The following ARMC9 variants were observed in gnomAD, a reference collection of about 807,000 sequenced individuals.
ARMC9 encodes armadillo repeat containing 9.
Under a neutral mutation model 107.0 loss-of-function variants are expected in ARMC9, and 94 were observed. The ratio of observed to expected loss-of-function variants is 0.88; its 90% CI spans 0.74 to 1.04. ARMC9 has a LOEUF of 1.04. ARMC9 is among the 50% of genes least tolerant of loss of function. The pLI is 0.00. For synonymous variants in ARMC9, 380 were observed against 396.9 expected, an observed-to-expected ratio of 0.96 and a Z score of 0.51; for missense variants, 942 against 1,030.1, an observed-to-expected ratio of 0.91 and a Z score of 1.17.
chr2:231,328,814 C>CTTTTTTTTTTTTTTT lies in ARMC9; in HGVS notation c.1774-2975_1774-2974insTTTTTTTTTTTTTTT, dbSNP rs1341987081. 3.2e-3 allele frequency among the ~76,000 whole-genome samples: 406 copies of CTTTTTTTTTTTTTTT among 127,134 alleles called. 33 individuals are homozygous for CTTTTTTTTTTTTTTT. Among genetic ancestry groups the CTTTTTTTTTTTTTTT allele is most frequent in the African/African-American group, 4.5e-3 (157 of 34,776 alleles). The allele number at this position is 127,134 out of a possible 152,430, so 83.4% of individuals were successfully genotyped here. A position where few individuals can be genotyped will look rare whatever the true frequency, so the allele number is the denominator to read the frequency against. The stretch of plus-strand genomic sequence containing the variant: ...AGCGTGTTCAATTTTCTTTTCTTTT[C>CTTTTTTTTTTTTTTT]TTTTCTTTTTTTTTTTTTGAGTCGG... On this transcript the variant is annotated intron_variant, in intron 19 of 24. Transcript: ENST00000611582.
intron 2 of ARMC9, among the ~76,000 whole-genome samples, chr2:231,207,189 G>A (rs549281200): frequency 5.3e-5 from 8 of 152,118 alleles, no homozygotes; most frequent in African/African-American, 1.9e-4. Flanking sequence ...TCTAATTTTT[G>A]TAGAGATAGG....
At chr2:231,210,174 G>A (rs2032622996) in intron 3 of ARMC9, among the ~76,000 whole-genome samples, 1 of 152,204 alleles carries the variant, frequency 6.6e-6, no homozygotes, top group Non-Finnish European at 1.5e-5. Flanking sequence ...GGCCCGTGGA[G>A]CTCAAGGCAG....
chr2:231,363,225 G>A (rs1442944422), intron 23 of ARMC9, among the ~76,000 whole-genome samples: 1 of 152,248 alleles, frequency 6.6e-6, no homozygotes, highest in African/African-American at 2.4e-5. Flanking sequence ...TGATGAACAA[G>A]TAGGAGAAAG....
At chr2:231,269,314 A>G (rs2039106154) in intron 12 of ARMC9, among the ~76,000 whole-genome samples, 1 of 149,240 alleles carries the variant, frequency 6.7e-6, no homozygotes, top group South Asian at 2.1e-4. Context: ...TGAATGTTGA[A>G]CCTCCTGAAC....
At chr2:231,320,830 T>C (rs140407269) in intron 19 of ARMC9, among the ~76,000 whole-genome samples, 132 of 152,330 alleles carry the variant, frequency 8.7e-4, no homozygotes, top group African/African-American at 3.0e-3. Flanking sequence ...CCTGTCCTTA[T>C]TCCAAGTCCA....
intron 21 of ARMC9, among the ~76,000 whole-genome samples, chr2:231,354,528 T>A (rs1014926645): frequency 2.6e-5 from 4 of 151,902 alleles, no homozygotes; most frequent in Non-Finnish European, 5.9e-5. Flanking sequence ...ACTACAGGCA[T>A]ACATCACCAC....
chr2:231,211,572 A>C (rs2032871402), intron 3 of ARMC9, among the ~76,000 whole-genome samples: 1 of 151,500 alleles, frequency 6.6e-6, no homozygotes, highest in Non-Finnish European at 1.5e-5. Flanking sequence ...GTGGGTGTGC[A>C]AGTATCTCTT....
rs1390193261 is a variant in ARMC9, at chr2:231,360,229, C to T, written c.2132-525C>T. 2.6e-5 allele frequency among the ~76,000 whole-genome samples: 4 copies of T among 152,152 alleles called. No individual in the cohort carries two copies. The highest frequency in any genetic ancestry group is 7.2e-5 in the African/African-American group (3 of 41,436). ...CCTGGTTCTGGGTGGGCATCAGCTA[C>T]AGCACAAGTCACTGGGAGTTAGGGC... On this transcript the variant is annotated intron_variant, in intron 22 of 24. Transcript: ENST00000611582. The surrounding 1 kb of genome is among the most constrained non-coding windows in gnomAD (Gnocchi z 4.7).
intron 19 of ARMC9, among the ~76,000 whole-genome samples, chr2:231,315,246 A>AG (rs1384968077): frequency 6.7e-6 from 1 of 149,924 alleles, no homozygotes; most frequent in African/African-American, 2.5e-5. Flanking sequence ...CTCAAAAAAA[A>AG]AAAAAAAAAA....
intron 5 of ARMC9, among the ~76,000 whole-genome samples, chr2:231,219,933 T>C (rs946171743): frequency 1.3e-5 from 2 of 152,194 alleles, no homozygotes; most frequent in African/African-American, 2.4e-5. Flanking sequence ...TGGGCTCAAG[T>C]GATCTTCCCA....
chr2:231,312,397 G>C (rs2042404361), intron 19 of ARMC9, among the ~76,000 whole-genome samples: 1 of 152,268 alleles, frequency 6.6e-6, no homozygotes, highest in Non-Finnish European at 1.5e-5. Context: ...AAGTCACAAG[G>C]CCAGCCCAGT....
chr2:231,208,369 T>G, intron 3 of ARMC9, 117 bp downstream of exon 3: 1 of 774,572 alleles, frequency 1.3e-6, no homozygotes, highest in South Asian at 1.6e-5. Context: ...AGAGTTACTT[T>G]AGATGGCACA....
In ARMC9 at chr2:231,222,798, C is replaced by T. The variant is rs780766885; in HGVS notation, c.575C>T (p.Thr192Met). Residue 192 changes from threonine to methionine, a missense_variant, in exon 6 of 25, where the codon ACG becomes ATG. Transcript: ENST00000611582. ...GCTTTAATATCTAAAGCCAGCAACACGCCAAAGCTTTTAACAATATATGTA... is the reference window on the plus strand; with the variant it reads ...GCTTTAATATCTAAAGCCAGCAACATGCCAAAGCTTTTAACAATATATGTA... ...FLALISKASN[T>M]PKLLTIYKEN... The T allele has an allele frequency of 2.5e-6, 4 of 1,590,458 alleles. No homozygotes were observed. In the East Asian group the frequency reaches 9.0e-5, roughly 36 times the overall value.
At chr2:231,349,548 G>A (rs1469600554) in intron 21 of ARMC9, among the ~76,000 whole-genome samples, 2 of 152,084 alleles carry the variant, frequency 1.3e-5, no homozygotes, top group South Asian at 2.1e-4. Context: ...TTGGGAGGCC[G>A]AGGCGGGTAG....
In ARMC9 at chr2:231,284,083, A is replaced by G. The variant is rs530894976; in HGVS notation, c.1626+1950A>G. ...AACATTTTGGTCAACAAAAGACTGCATATGTGATAATGGTCCAATAAGATT... is the reference window on the plus strand; with the variant it reads ...AACATTTTGGTCAACAAAAGACTGCGTATGTGATAATGGTCCAATAAGATT... On this transcript the variant is annotated intron_variant, in intron 17 of 24. Transcript: ENST00000611582. Among the ~76,000 whole-genome samples, 4 of 152,316 alleles carry G rather than the reference A, an allele frequency of 2.6e-5. No individual in the cohort carries two copies. The South Asian group carries it at 8.3e-4, about 32-fold the overall frequency.
chr2:231,365,142 G>A (rs887370330), intron 23 of ARMC9, among the ~76,000 whole-genome samples: 1 of 152,202 alleles, frequency 6.6e-6, no homozygotes, highest in Non-Finnish European at 1.5e-5. Context: ...GGCCAGATTA[G>A]GGCAGAGCAG....
At chr2:231,334,564 G>A (rs1484918883) in intron 20 of ARMC9, among the ~76,000 whole-genome samples, 1 of 152,194 alleles carries the variant, frequency 6.6e-6, no homozygotes. Context: ...ACAGTTTCCA[G>A]GGGTCAGGAC....
intron 1 of ARMC9, among the ~76,000 whole-genome samples, chr2:231,200,268 C>T (rs1007086531): frequency 6.6e-6 from 1 of 152,182 alleles, no homozygotes; most frequent in Non-Finnish European, 1.5e-5. Flanking sequence ...AAAATGACAT[C>T]CCCTCAGCTC....
rs1369422705 is a variant in ARMC9 at position 231,355,929 on chromosome 2, C to G, written c.2126C>G (p.Ser709Cys). 4.6e-6 allele frequency: 7 copies of G among 1,535,176 alleles called. No individual in the cohort carries two copies. Among genetic ancestry groups the G allele is most frequent in the Non-Finnish European group, 6.1e-6 (7 of 1,146,156 alleles). The change falls in exon 22 of 25, where the codon TCT becomes TGT. Residue 709 changes from serine (S) to cysteine (C), a missense_variant. Ser to Cys is a moderately radical substitution (Grantham distance 112, BLOSUM62 -1). Transcript: ENST00000611582. The stretch of plus-strand genomic sequence containing the variant: ...AGCACCCCGGAGTCCTGCGTCTCCT[C>G]TTCATGTAAGAATGTGGGCAGCACA... ...KPSTPESCVS[S>C]SSAIIAKPGE...
Sources: allele counts gnomAD v4.1 joint callset (sites outside exome capture counted in the v4.1 genomes callset), GRCh38; gene constraint gnomAD v4.1.1; non-coding constraint Gnocchi (gnomAD v3.1); transcripts MANE v1.5; gene names NCBI Gene and HGNC (gene_info 2026-07-23, HGNC 2026-07-21).